NPIPB9: variants seen among roughly 807,000 people sequenced by gnomAD.
NPIPB9 encodes the protein nuclear pore complex interacting protein family member B9, also known as nuclear pore complex-interacting protein family member B9.
NPIPB9 carries 1 observed loss-of-function variant against 5.6 expected under a neutral mutation model. The ratio of observed to expected loss-of-function variants is 0.18; its 90% CI spans 0.06 to 0.84. The LOEUF (loss-of-function observed/expected upper bound fraction) is 0.84, where lower values mean the gene tolerates loss of function less well. NPIPB9 is among the 40% of genes least tolerant of loss of function. The probability of loss-of-function intolerance (pLI) is 0.70; values close to 1 mark genes in which losing one functional copy is unlikely to be tolerated. For missense variants in NPIPB9, 3 were observed against 39.1 expected, an observed-to-expected ratio of 0.08 and a Z score of 2.46; for synonymous variants, 2 against 12.5, an observed-to-expected ratio of 0.16 and a Z score of 1.77.
intron 1 of NPIPB9, among the ~76,000 whole-genome samples, chr16:28,754,703 G>T (rs1375603162): frequency 8.2e-6 from 1 of 122,060 alleles, no homozygotes; most frequent in Admixed American, 8.2e-5. Context: ...GTGTCAGCCT[G>T]CATGGGAGAC....
At chr16:28,754,768 A>G (rs577937168) in intron 1 of NPIPB9, among the ~76,000 whole-genome samples, 1 of 141,526 alleles carries the variant, frequency 7.1e-6, no homozygotes, top group African/African-American at 2.6e-5. Flanking sequence ...CAGGAGGACT[A>G]AGTCACCGCA....
chr16:28,765,963 A>AGGCTG (rs1045949391), intron 3 of NPIPB9, 119 bp from the exon 3 acceptor site: 1 of 426,814 alleles, frequency 2.3e-6, no homozygotes, highest in African/African-American at 2.3e-5. Flanking sequence ...CATCTTGGCC[A>AGGCTG]GGCTGGTCTT....
intron 3 of NPIPB9, among the ~76,000 whole-genome samples, chr16:28,765,396 C>T (rs1170056720): frequency 3.9e-5 from 2 of 51,104 alleles, no homozygotes; most frequent in East Asian, 6.2e-4. Context: ...GCTACCGCAC[C>T]TGGGCTATTT....
In NPIPB9 at chr16:28,765,720, CTT is replaced by C. The variant is rs1491272171; in HGVS notation, c.295-361_295-360del. On this transcript the variant is annotated intron_variant, in intron 3 of 7. Coordinates refer to ENST00000550983, the Ensembl canonical transcript of NPIPB9. Reference sequence around the variant, plus strand: ...GCCACCGTGCCAGCCTCATGTCATTCTTGTGTGTGTGTGTGTGTGTGTGTGTG... The same window carrying C: ...GCCACCGTGCCAGCCTCATGTCATTCGTGTGTGTGTGTGTGTGTGTGTGTG... 3.9e-4 allele frequency among the ~76,000 whole-genome samples: 14 copies of C among 35,500 alleles called. No homozygotes were observed. The East Asian group carries it at 5.5e-3, about 14-fold the overall frequency. The allele number at this position is 35,500 out of a possible 152,430, so 23.3% of individuals were successfully genotyped here.
At chr16:28,759,317 A>G (rs1451591600) in intron 2 of NPIPB9, among the ~76,000 whole-genome samples, 55 of 104,656 alleles carry the variant, frequency 5.3e-4, no homozygotes, top group Admixed American at 3.6e-3. Flanking sequence ...TAATTTTTGT[A>G]TTTTTAGTAG....
rs761146509 is a variant in NPIPB9, at chr16:28,765,721, T to TTGTGTG, written c.295-312_295-307dup. Among the ~76,000 whole-genome samples the TTGTGTG allele has an allele frequency of 2.3e-3, 89 of 38,034 alleles. 2 individuals carry two copies. The highest frequency in any genetic ancestry group is 4.1e-3 in the East Asian group (3 of 732). The allele number at this position is 38,034 out of a possible 152,430, so 25.0% of individuals were successfully genotyped here. Reference sequence around the variant, plus strand: ...CCACCGTGCCAGCCTCATGTCATTCTTGTGTGTGTGTGTGTGTGTGTGTGT... The same window carrying TTGTGTG: ...CCACCGTGCCAGCCTCATGTCATTCTTGTGTGTGTGTGTGTGTGTGTGTGTGTGTGT... On this transcript the variant is annotated intron_variant, in intron 3 of 7. Transcript: ENST00000550983.
chr16:28,756,190 A>G (rs2048808123), intron 1 of NPIPB9, among the ~76,000 whole-genome samples: 1 of 92,776 alleles, frequency 1.1e-5, no homozygotes, highest in African/African-American at 3.4e-5. Flanking sequence ...ACCGAAATCT[A>G]GGGCTTTTTT....
chr16:28,765,712 A>G (rs1484697089), intron 3 of NPIPB9, among the ~76,000 whole-genome samples: 14 of 48,106 alleles, frequency 2.9e-4, no homozygotes, highest in Non-Finnish European at 4.0e-4. Flanking sequence ...TGCCAGCCTC[A>G]TGTCATTCTT....
chr16:28,753,525 C>T lies in NPIPB9; in HGVS notation c.25+933C>T, dbSNP rs1567355044. The stretch of plus-strand genomic sequence containing the variant: ...ATATAGATACACACACACACACACA[C>T]ATACATACACACACACACACACACA... On this transcript the variant is annotated intron_variant, in intron 1 of 7. Coordinates refer to ENST00000550983, the Ensembl canonical transcript of NPIPB9. Among the ~76,000 whole-genome samples the T allele has an allele frequency of 8.7e-5, 4 of 46,152 alleles. 1 individual carries two copies. Among genetic ancestry groups the T allele is most frequent in the African/African-American group, 1.5e-4 (2 of 13,388 alleles). 30.3% of individuals were successfully genotyped at this position (46,152 alleles called of 152,430 possible). A position where few individuals can be genotyped will look rare whatever the true frequency, so the allele number is the denominator to read the frequency against.
intron 5 of NPIPB9, chr16:28,769,645 A>T (rs1392614722): frequency 3.1e-6 from 2 of 639,312 alleles, no homozygotes; most frequent in Non-Finnish European, 1.9e-6. Flanking sequence ...CAATGTTTAG[A>T]CCCGGTAAAT....
chr16:28,765,721 TTGTGTGTG>T (rs761146509), intron 3 of NPIPB9, among the ~76,000 whole-genome samples: 29 of 38,024 alleles, frequency 7.6e-4, no homozygotes, highest in South Asian at 4.5e-3. Flanking sequence ...CATGTCATTC[TTGTGTGTG>T]TGTGTGTGTG....
intron 5 of NPIPB9, among the ~76,000 whole-genome samples, chr16:28,767,194 A>AT (rs1179314816): frequency 0.14 from 6,024 of 44,124 alleles, 746 homozygotes; most frequent in African/African-American, 0.17. Flanking sequence ...CATTCGGCCA[A>AT]TTTTTTTTTT....
Position 28,765,090 on chromosome 16 carries a change from A to G in NPIPB9, c.295-992A>G, listed in dbSNP as rs1488325376. Among the ~76,000 whole-genome samples the G allele has an allele frequency of 5.4e-3, 284 of 52,472 alleles. 15 individuals carry two copies. Among genetic ancestry groups the G allele is most frequent in the African/African-American group, 0.021 (275 of 13,238 alleles). The allele number at this position is 52,472 out of a possible 152,430, so 34.4% of individuals were successfully genotyped here. ...AGTGTACAGTTCAGTTGTGTGAAGT[A>G]TATTCATGTCATTTTTTTTTTTTTT... On this transcript the variant is annotated intron_variant, in intron 3 of 7. Coordinates refer to ENST00000550983, the Ensembl canonical transcript of NPIPB9.
At chr16:28,758,551 TCCCCTTCCCCTCCC>T (rs2048932356) in intron 2 of NPIPB9, 3 of 5,574 alleles carry the variant, frequency 5.4e-4, no homozygotes, top group Admixed American at 2.1e-3. Flanking sequence ...CCCCTCCCCC[TCCCCTTCCCCTCCC>T]CCTCCCCTTC....
intron 1 of NPIPB9, among the ~76,000 whole-genome samples, chr16:28,752,858 A>C (rs1457115339): frequency 8.6e-6 from 1 of 116,908 alleles, no homozygotes; most frequent in African/African-American, 2.9e-5. Context: ...CAAGTGCCCA[A>C]CGACACTTAA....
chr16:28,764,902 G>A (rs1298675168), intron 3 of NPIPB9, among the ~76,000 whole-genome samples: 25 of 1,364 alleles, frequency 0.018, 1 homozygote, highest in African/African-American at 0.049. Flanking sequence ...AGCAGGGACA[G>A]AAGGAAGATG....
chr16:28,758,621 C>T (rs1216013278), intron 2 of NPIPB9: 1 of 325,838 alleles, frequency 3.1e-6, no homozygotes, highest in South Asian at 1.9e-5. Context: ...CGGCCCCGGT[C>T]CCCGTCCCCT....
intron 1 of NPIPB9, among the ~76,000 whole-genome samples, chr16:28,753,553 CACACACA>C: frequency 1.3e-5 from 1 of 74,076 alleles, no homozygotes; most frequent in East Asian, 3.7e-4. Flanking sequence ...CACACACACA[CACACACA>C]CACACACACA....
Position 28,767,221 on chromosome 16 carries a change from A to G in NPIPB9, c.590+732A>G, listed in dbSNP as rs551779937. ...TTTTTTTTTTTTTTTTTTGAGACAG[A>G]GTCTCACTCTGTCACCCAGGCTAGA... is the stretch of plus-strand genomic sequence containing the variant. On this transcript the variant is annotated intron_variant, in intron 5 of 7. Transcript: ENST00000550983. Among the ~76,000 whole-genome samples, 252 of 81,334 alleles carry G rather than the reference A, an allele frequency of 3.1e-3. 22 individuals are homozygous for G. Among genetic ancestry groups the G allele is most frequent in the African/African-American group, 9.8e-3 (210 of 21,498 alleles). The allele number at this position is 81,334 out of a possible 152,430, so 53.4% of individuals were successfully genotyped here.
Sources: gnomAD v4.1 joint callset for allele counts (sites outside exome capture counted in the v4.1 genomes callset) on GRCh38, gnomAD v4.1.1 for gene constraint, MANE v1.5 for transcripts, NCBI Gene and HGNC (gene_info 2026-07-23, HGNC 2026-07-21) for gene names.